The following ZNF599 variants were observed in gnomAD, a reference collection of about 807,000 sequenced individuals.
ZNF599 encodes zinc finger protein 599.
In ZNF599, 10 loss-of-function variants were observed where a neutral mutation model predicts 11.7. That is an observed-to-expected ratio of 0.86 (90% CI 0.53 to 1.45). The LOEUF (loss-of-function observed/expected upper bound fraction) is 1.45, where lower values mean the gene tolerates loss of function less well. Ranked by LOEUF, ZNF599 falls within the 40% of genes most tolerant of loss-of-function variation. The pLI, the probability that ZNF599 is intolerant of heterozygous loss-of-function variation, is 0.00. For missense variants in ZNF599, 688 were observed against 713.6 expected (o/e 0.96, Z 0.41); for synonymous variants, 232 against 253.2 (o/e 0.92, Z 0.79).
chr19:34,769,484 C>G lies in ZNF599; in HGVS notation c.90G>C (p.Gln30His). 1 of 1,614,224 alleles carries G rather than the reference C, an allele frequency of 6.2e-7. No individual in the cohort carries two copies. Among genetic ancestry groups the G allele is most frequent in the Non-Finnish European group, 8.5e-7 (1 of 1,180,036 alleles). The change falls in exon 2 of 4, where the codon CAG becomes CAC. Residue 30 changes from glutamine to histidine, a missense_variant. Gln to His is a conservative substitution (Grantham distance 24). Transcript: ENST00000329285. ...GCATCACCTCCTGGTACAGGGTCCTCTGGGCCAGGTCCAGGTGCCCCCATT... is the reference window on the plus strand; with the variant it reads ...GCATCACCTCCTGGTACAGGGTCCTGTGGGCCAGGTCCAGGTGCCCCCATT... ...GEEWGHLDLA[Q>H]RTLYQEVMLE...
chr19:34,797,863 G>A, the ZNF599 span, among the ~76,000 whole-genome samples: 2 of 152,188 alleles, frequency 1.3e-5, no homozygotes, highest in Non-Finnish European at 2.9e-5. Context: ...AAGGGAGTAT[G>A]TCTTAACCCT....
rs2069091026 is a variant in ZNF599 at position 34,759,183 on chromosome 19, A to C, written c.1618T>G (p.Cys540Gly). Residue 540 changes from cysteine to glycine, a missense_variant, in exon 4 of 4, where the codon TGT becomes GGT. By Grantham distance (159) the Cys-to-Gly change is radical. Coordinates refer to ENST00000329285, the MANE Select transcript of ZNF599 (RefSeq NM_001007248.3). ...AAGTTGTCACAGAAGGCTTTCTCAC[A>C]TTCTTTGCATTCAAAAGGTTTTTCT... ...TGEKPFECKE[C>G]EKAFCDNFAL... is the part of the protein sequence containing the mutation. The C allele has an allele frequency of 1.9e-6, 3 of 1,614,200 alleles. No individual in the cohort carries two copies. Among genetic ancestry groups the C allele is most frequent in the Non-Finnish European group, 2.5e-6 (3 of 1,180,042 alleles).
intron 2 of ZNF599, among the ~76,000 whole-genome samples, chr19:34,768,361 A>G (rs1337225556): frequency 1.3e-5 from 2 of 152,196 alleles, no homozygotes; most frequent in East Asian, 1.9e-4. Context: ...CAGTTGTCAT[A>G]AAATAACACC....
At chr19:34,782,489 A>T in the ZNF599 span, among the ~76,000 whole-genome samples, 5 of 152,212 alleles carry the variant, frequency 3.3e-5, no homozygotes, top group Admixed American at 3.3e-4. Flanking sequence ...GAAAGAAATG[A>T]CTGAGCTGGA....
the ZNF599 span, among the ~76,000 whole-genome samples, chr19:34,781,653 T>TTGCC: frequency 6.6e-6 from 1 of 152,194 alleles, no homozygotes; most frequent in South Asian, 2.1e-4. Flanking sequence ...GAGTCAAGAA[T>TTGCC]AGCAGGATGC....
upstream of ZNF599, among the ~76,000 whole-genome samples, chr19:34,777,401 A>ATATTATATTATAT (rs2069223815): frequency 4.5e-5 from 4 of 88,176 alleles, no homozygotes; most frequent in Non-Finnish European, 6.0e-5. Flanking sequence ...TATAATATAT[A>ATATTATATTATAT]TTATATATAA....
rs530868515 is a variant in ZNF599, at chr19:34,762,256, T to C, written c.242-1697A>G. Reference sequence around the variant, plus strand: ...AAGAAGTGTTCACCTTTCTTGGTAATAGGGGAAAAACAAATTAGGACCACA... The same window carrying C: ...AAGAAGTGTTCACCTTTCTTGGTAACAGGGGAAAAACAAATTAGGACCACA... On this transcript the variant is annotated intron_variant, in intron 3 of 3. Transcript: ENST00000329285. Among the ~76,000 whole-genome samples, 5 of 152,234 alleles carry C rather than the reference T, an allele frequency of 3.3e-5. No homozygotes were observed. The South Asian group carries it at 1.0e-3, about 32-fold the overall frequency.
At chr19:34,799,335 C>G in the ZNF599 span, among the ~76,000 whole-genome samples, 1 of 152,208 alleles carries the variant, frequency 6.6e-6, no homozygotes, top group Admixed American at 6.5e-5. Flanking sequence ...AGACTGACTT[C>G]TTTCACTTAG....
At chr19:34,766,443 G>A (rs760094074) in intron 3 of ZNF599, among the ~76,000 whole-genome samples, 1 of 152,208 alleles carries the variant, frequency 6.6e-6, no homozygotes, top group Non-Finnish European at 1.5e-5. Context: ...AGTGTAGTTT[G>A]AAATAGTAAT....
Position 34,759,571 on chromosome 19 carries a change from G to T in ZNF599, c.1230C>A (p.Phe410Leu). ...CGKAFTHRST[F>L]IRHKRTHTGE... ...CGGTATGGGTCCTCTTATGTCGGAT[G>T]AAAGTGGAGCGATGAGTAAAGGCCT... The change falls in exon 4 of 4, where the codon TTC (phenylalanine) becomes TTA (leucine). Residue 410 changes from phenylalanine to leucine, a missense_variant. Phe to Leu is a conservative substitution (Grantham distance 22). Coordinates refer to ENST00000329285, the MANE Select transcript of ZNF599 (RefSeq NM_001007248.3). 6.2e-7 allele frequency: 1 copy of T among 1,612,210 alleles called. No individual in the cohort carries two copies. The highest frequency in any genetic ancestry group is 1.1e-5 in the South Asian group (1 of 90,986).
chr19:34,796,296 G>C, the ZNF599 span, among the ~76,000 whole-genome samples: 3 of 151,730 alleles, frequency 2.0e-5, no homozygotes, highest in Non-Finnish European at 4.4e-5. Context: ...GTTCAACAAT[G>C]CCTAATAGGA....
intron 1 of ZNF599, 126 bp downstream of exon 1, chr19:34,772,698 G>A: frequency 1.3e-6 from 2 of 1,499,196 alleles, no homozygotes; most frequent in Non-Finnish European, 8.9e-7. Flanking sequence ...ACCCTCTCCC[G>A]GGATCTCCAT....
chr19:34,790,509 T>A, the ZNF599 span, among the ~76,000 whole-genome samples: 1 of 152,158 alleles, frequency 6.6e-6, no homozygotes, highest in East Asian at 1.9e-4. Context: ...TGAAATAAGT[T>A]AAGCACAGAA....
chr19:34,786,636 G>C, the ZNF599 span, among the ~76,000 whole-genome samples: 214 of 152,294 alleles, frequency 1.4e-3, no homozygotes, highest in Non-Finnish European at 2.6e-3. Flanking sequence ...ACCTGTATCT[G>C]TTTCTCCATG....
In ZNF599 at chr19:34,759,087, A is replaced by C. The variant is rs962326783; in HGVS notation, c.1714T>G (p.Phe572Val). 1.2e-5 allele frequency: 19 copies of C among 1,613,914 alleles called. No individual in the cohort carries two copies. The highest frequency in any genetic ancestry group is 1.5e-5 in the Non-Finnish European group (18 of 1,179,872). ...PFECNECGKT[F>V]SHSSSFTHHR... Reference sequence around the variant, plus strand: ...TGAGTGAACGATGAACTGTGGCTGAAGGTCTTTCCACATTCATTGCATTCA... The same window carrying C: ...TGAGTGAACGATGAACTGTGGCTGACGGTCTTTCCACATTCATTGCATTCA... Residue 572 changes from phenylalanine to valine, a missense_variant, in exon 4 of 4, where the codon TTC (phenylalanine) becomes GTC (valine). Phe to Val is a conservative substitution (Grantham distance 50). Transcript: ENST00000329285.
rs964619138 is a variant in ZNF599 at position 34,769,443 on chromosome 19, A to G, written c.131T>C (p.Leu44Pro). Residue 44 changes from leucine (L) to proline (P), a missense_variant, in exon 2 of 4, where the codon CTC (leucine) becomes CCC (proline). Transcript: ENST00000329285. ...TGAGGTCTTACCCAGTGAGACCAGG[A>G]GCCTGCAGGTCTCCAGCATCACCTC... Reference protein sequence around the residue: ...YQEVMLETCRLLVSLGHPVPK... With the variant: ...YQEVMLETCRPLVSLGHPVPK... 1 of 1,614,116 alleles carries G rather than the reference A, an allele frequency of 6.2e-7. No homozygotes were observed. The highest frequency in any genetic ancestry group is 8.5e-7 in the Non-Finnish European group (1 of 1,180,016).
chr19:34,779,509 A>G, the ZNF599 span: 1 of 456,582 alleles, frequency 2.2e-6, no homozygotes, highest in Non-Finnish European at 4.4e-6. Flanking sequence ...TGCTGTACTC[A>G]TAAGGTTTTT....
intron 3 of ZNF599, chr19:34,765,128 AG>A (rs1344405811): frequency 6.5e-6 from 1 of 154,088 alleles, no homozygotes; most frequent in East Asian, 1.9e-4. Context: ...AATATAGAAG[AG>A]GTAGGAAGTA....
rs762172737 is a variant in ZNF599 at position 34,760,575 on chromosome 19, T to A, written c.242-16A>T. The stretch of plus-strand genomic sequence containing the variant: ...GCTTTTTCACCTGAAGGAAATCCAA[T>A]ATAAAAAAAACTGAACATTAGTGAT... On this transcript the variant is annotated splice_polypyrimidine_tract_variant and intron_variant, in intron 3 of 3. Coordinates refer to ENST00000329285, the MANE Select transcript of ZNF599 (RefSeq NM_001007248.3). The A allele has an allele frequency of 1.9e-6, 3 of 1,571,972 alleles. No individual in the cohort carries two copies. The highest frequency in any genetic ancestry group is 2.0e-5 in the Admixed American group (1 of 50,272).
Sources: allele counts gnomAD v4.1 joint callset (sites outside exome capture counted in the v4.1 genomes callset), GRCh38; gene constraint gnomAD v4.1.1; transcripts MANE v1.5; gene names NCBI Gene and HGNC (gene_info 2026-07-23, HGNC 2026-07-21).